KCTD16: variants seen among roughly 807,000 people sequenced by gnomAD.
The protein encoded by KCTD16 is BTB/POZ domain-containing protein KCTD16.
In KCTD16, 13 loss-of-function variants were observed where a neutral mutation model predicts 33.2. The ratio of observed to expected loss-of-function variants is 0.39; its 90% CI spans 0.25 to 0.62. The LOEUF (loss-of-function observed/expected upper bound fraction) is 0.62. KCTD16 is among the 20% of genes least tolerant of loss of function. The probability of loss-of-function intolerance (pLI) is 0.50; values close to 1 mark genes in which losing one functional copy is unlikely to be tolerated. For synonymous variants in KCTD16, 197 were observed against 195.3 expected (o/e 1.01, Z -0.07); for missense variants, 441 against 525.1 (o/e 0.84, Z 1.57).
At chr5:144,300,831 G>A (rs1287118675) in intron 3 of KCTD16, among the ~76,000 whole-genome samples, 2 of 152,162 alleles carry the variant, frequency 1.3e-5, no homozygotes, top group Non-Finnish European at 2.9e-5. Flanking sequence ...ACATACTCAA[G>A]TGATGTACCT....
intron 3 of KCTD16, among the ~76,000 whole-genome samples, chr5:144,340,699 T>C (rs979110307): frequency 2.6e-5 from 4 of 152,154 alleles, no homozygotes; most frequent in Admixed American, 6.5e-5. Context: ...CTCTCCACCC[T>C]GTGAGGACAC....
At chr5:144,289,000 G>A (rs557401547) in intron 3 of KCTD16, among the ~76,000 whole-genome samples, 6 of 152,102 alleles carry the variant, frequency 3.9e-5, no homozygotes, top group Admixed American at 2.6e-4. Context: ...GGCAACAATA[G>A]TGAAACTCTG....
chr5:144,175,229 T>G (rs1415511255), intron 2 of KCTD16, among the ~76,000 whole-genome samples: 1 of 152,234 alleles, frequency 6.6e-6, no homozygotes, highest in African/African-American at 2.4e-5. Flanking sequence ...AATGCCCATT[T>G]GACACATGAG....
Position 144,299,070 on chromosome 5 carries a change from A to ATT in KCTD16, c.832+91525_832+91526insTT, listed in dbSNP as rs1278686388. The stretch of plus-strand genomic sequence containing the variant: ...TATATATATATATATATATATATAT[A>ATT]TATTTTTGTATATATATATCACTAT... On this transcript the variant is annotated intron_variant, in intron 3 of 3. Transcript: ENST00000512467. Among the ~76,000 whole-genome samples, 34 of 72,992 alleles carry ATT rather than the reference A, an allele frequency of 4.7e-4. 1 individual carries two copies. Among genetic ancestry groups the ATT allele is most frequent in the East Asian group, 2.1e-3 (7 of 3,290 alleles). 47.9% of individuals were successfully genotyped at this position (72,992 alleles called of 152,430 possible). A position where few individuals can be genotyped will look rare whatever the true frequency, so the allele number is the denominator to read the frequency against.
At chr5:144,265,187 A>T (rs566217917) in intron 3 of KCTD16, among the ~76,000 whole-genome samples, 1 of 152,296 alleles carries the variant, frequency 6.6e-6, no homozygotes, top group Non-Finnish European at 1.5e-5. Flanking sequence ...GGTGTCAGAA[A>T]TGTGTATTTA....
intron 3 of KCTD16, among the ~76,000 whole-genome samples, chr5:144,330,901 G>T (rs17101805): frequency 0.062 from 9,412 of 152,214 alleles, 330 homozygotes; most frequent in Middle Eastern, 0.12. Flanking sequence ...GACAGGCAAA[G>T]AAACAGATGA....
At chr5:144,234,820 A>ATG (rs1200537237) in intron 3 of KCTD16, among the ~76,000 whole-genome samples, 1 of 152,008 alleles carries the variant, frequency 6.6e-6, no homozygotes, top group African/African-American at 2.4e-5. Context: ...ATATGTATAT[A>ATG]TGTGTGTGTG....
chr5:144,311,687 T>C (rs1751770151), intron 3 of KCTD16, among the ~76,000 whole-genome samples: 1 of 152,152 alleles, frequency 6.6e-6, no homozygotes, highest in East Asian at 1.9e-4. Context: ...AAACAGCAGA[T>C]TGTTTTCCAT....
At chr5:144,214,461 CA>C (rs1753498545) in intron 3 of KCTD16, among the ~76,000 whole-genome samples, 1 of 152,184 alleles carries the variant, frequency 6.6e-6, no homozygotes, top group African/African-American at 2.4e-5. Context: ...TATTCAAATA[CA>C]AACTCTTTAA....
chr5:144,400,426 G>A (rs1479488427), intron 3 of KCTD16, among the ~76,000 whole-genome samples: 5 of 152,180 alleles, frequency 3.3e-5, no homozygotes, highest in Non-Finnish European at 7.4e-5. Context: ...CCAGAGCACA[G>A]CTGCAGGGAC....
At chr5:144,204,028 G>A (rs1753104760) in intron 2 of KCTD16, among the ~76,000 whole-genome samples, 1 of 152,158 alleles carries the variant, frequency 6.6e-6, no homozygotes, top group Admixed American at 6.5e-5. Flanking sequence ...ATTAGTTAAC[G>A]AAACAAAGTC....
At position 144,450,996 on chromosome 5, in the gene KCTD16, A is replaced by G. The variant is rs190294957; in HGVS notation, c.833-22664A>G. Among the ~76,000 whole-genome samples, 290 of 152,244 alleles carry G rather than the reference A, an allele frequency of 1.9e-3. 1 individual carries two copies. Among genetic ancestry groups the G allele is most frequent in the African/African-American group, 6.7e-3 (277 of 41,560 alleles). On this transcript the variant is annotated intron_variant, in intron 3 of 3. Coordinates refer to ENST00000512467, the MANE Select transcript of KCTD16 (RefSeq NM_020768.4). ...ATAAAAACAACAAAATGACAAAAGA[A>G]CACAAGGAAATTTTGGAGGTGATGA...
intron 3 of KCTD16, among the ~76,000 whole-genome samples, chr5:144,418,459 C>T (rs371825220): frequency 6.6e-5 from 10 of 152,138 alleles, no homozygotes; most frequent in East Asian, 3.9e-4. Context: ...GTTTACAAAC[C>T]TTTAGCAAGA....
At chr5:144,310,521 A>T (rs1044284541) in intron 3 of KCTD16, among the ~76,000 whole-genome samples, 5 of 152,096 alleles carry the variant, frequency 3.3e-5, no homozygotes, top group African/African-American at 4.8e-5. Context: ...CCTACCAACA[A>T]GGTATGAGTT....
At chr5:144,330,846 C>T (rs1202953783) in intron 3 of KCTD16, among the ~76,000 whole-genome samples, 1 of 152,188 alleles carries the variant, frequency 6.6e-6, no homozygotes, top group Non-Finnish European at 1.5e-5. Context: ...TTTAATCTTT[C>T]CGTATCTTTT....
intron 2 of KCTD16, among the ~76,000 whole-genome samples, chr5:144,199,481 G>A (rs2126784688): frequency 6.6e-6 from 1 of 152,322 alleles, no homozygotes; most frequent in East Asian, 1.9e-4. Flanking sequence ...TCCTAAAATA[G>A]TGCATGTGGA....
chr5:144,318,641 G>A (rs1751989661), intron 3 of KCTD16, among the ~76,000 whole-genome samples: 1 of 152,104 alleles, frequency 6.6e-6, no homozygotes, highest in Non-Finnish European at 1.5e-5. Context: ...CTTTCGTCAG[G>A]CCATGTATCT....
At chr5:144,312,741 C>G (rs1213649749) in intron 3 of KCTD16, among the ~76,000 whole-genome samples, 1 of 152,180 alleles carries the variant, frequency 6.6e-6, no homozygotes, top group East Asian at 1.9e-4. Context: ...CTAGAGGAAC[C>G]TCCACTGGAA....
At chr5:144,196,238 C>G (rs569952696) in intron 2 of KCTD16, among the ~76,000 whole-genome samples, 2 of 152,170 alleles carry the variant, frequency 1.3e-5, no homozygotes, top group South Asian at 4.2e-4. Context: ...GCCAGTGGCT[C>G]TGCAGGTGAT....
Sources: allele counts gnomAD v4.1 joint callset (sites outside exome capture counted in the v4.1 genomes callset), GRCh38; gene constraint gnomAD v4.1.1; transcripts MANE v1.5; gene names NCBI Gene and HGNC (gene_info 2026-07-23, HGNC 2026-07-21).